Variants in NBAS observed in about 807,000 individuals in gnomAD.
NBAS encodes NAG/BC035112 fusion.
In NBAS, 219 loss-of-function variants were observed where a neutral mutation model predicts 302.5. The ratio of observed to expected loss-of-function variants is 0.72; its 90% CI spans 0.65 to 0.81. The LOEUF is 0.81. NBAS is among the 30% of genes least tolerant of loss of function. The pLI is 0.00. For synonymous variants in NBAS, 1,118 were observed against 1,021.6 expected, an observed-to-expected ratio of 1.09 and a Z score of -1.80; for missense variants, 2,932 against 2,841.6, an observed-to-expected ratio of 1.03 and a Z score of -0.72.
chr2:14,795,171 A>C, the NBAS span, among the ~76,000 whole-genome samples: 1 of 152,158 alleles, frequency 6.6e-6, no homozygotes, highest in Non-Finnish European at 1.5e-5. Flanking sequence ...TTTGAAAAAA[A>C]ATTTTCAAAG....
the NBAS span, among the ~76,000 whole-genome samples, chr2:14,985,140 G>A: frequency 1.3e-5 from 2 of 152,322 alleles, no homozygotes; most frequent in African/African-American, 4.8e-5. Context: ...GGGCTGGGAA[G>A]GCTTCGGAAT....
At chr2:14,860,110 T>C in the NBAS span, among the ~76,000 whole-genome samples, 5 of 151,976 alleles carry the variant, frequency 3.3e-5, no homozygotes, top group African/African-American at 1.2e-4. Flanking sequence ...ACACTAATCA[T>C]TGGAAAAATG....
chr2:14,800,454 C>G, the NBAS span, among the ~76,000 whole-genome samples: 1 of 152,192 alleles, frequency 6.6e-6, no homozygotes, highest in African/African-American at 2.4e-5. Flanking sequence ...CCAATACACC[C>G]TTTTCCCTGT....
At position 15,361,340 on chromosome 2, in the gene NBAS, C is replaced by T. The variant is rs147981858; in HGVS notation, c.3818-4924G>A. Among the ~76,000 whole-genome samples the T allele has an allele frequency of 7.5e-4, 114 of 152,088 alleles. No individual in the cohort carries two copies. In the Middle Eastern group the frequency reaches 0.014, roughly 18 times the overall value. The stretch of plus-strand genomic sequence containing the variant: ...CCAGCCTGGCCAACATGGTGAAATC[C>T]CATCTCTACTAAAAATACAAAAATT... On this transcript the variant is annotated intron_variant, in intron 32 of 51. Transcript: ENST00000281513.
intron 3 of NBAS, 86 bp from the exon 4 acceptor site, chr2:15,554,224 G>A (rs978069479): frequency 4.5e-6 from 5 of 1,107,382 alleles, no homozygotes; most frequent in Non-Finnish European, 6.7e-6. Context: ...CTTATAGAGA[G>A]AGACACAGAT....
intron 48 of NBAS, among the ~76,000 whole-genome samples, chr2:15,197,616 T>C (rs575892514): frequency 6.6e-6 from 1 of 152,290 alleles, no homozygotes; most frequent in African/African-American, 2.4e-5. Context: ...AGGAGTTCTG[T>C]CTCATGCCAC....
At chr2:15,556,889 T>C (rs1558437133) in intron 2 of NBAS, 70 bp from the exon 3 acceptor site, 1 of 1,273,530 alleles carries the variant, frequency 7.9e-7, no homozygotes. Flanking sequence ...ATTAGATTTA[T>C]AGATGAGAAA....
chr2:14,825,621 T>C, the NBAS span, among the ~76,000 whole-genome samples: 1 of 152,200 alleles, frequency 6.6e-6, no homozygotes, highest in Admixed American at 6.5e-5. Context: ...GTCAGGGCTT[T>C]TGCAGCTATT....
At chr2:15,290,291 G>A (rs1363985924) in intron 41 of NBAS, among the ~76,000 whole-genome samples, 2 of 152,144 alleles carry the variant, frequency 1.3e-5, no homozygotes, top group African/African-American at 4.8e-5. Flanking sequence ...GAGGAAAGCA[G>A]CAAGCTGGTG....
At chr2:15,556,618 CT>C (rs1277454669) in intron 3 of NBAS, among the ~76,000 whole-genome samples, 164 bp downstream of exon 3, 1 of 152,154 alleles carries the variant, frequency 6.6e-6, no homozygotes, top group Non-Finnish European at 1.5e-5. Context: ...ACTGAGATAT[CT>C]TGTCAGATTC....
intron 40 of NBAS, among the ~76,000 whole-genome samples, chr2:15,299,508 T>C (rs1558514353): frequency 6.6e-6 from 1 of 152,202 alleles, no homozygotes; most frequent in Non-Finnish European, 1.5e-5. Context: ...CCCTTTAGGG[T>C]TGTTATTTTG....
chr2:15,281,228 T>C (rs1669810623), intron 42 of NBAS, among the ~76,000 whole-genome samples: 1 of 152,204 alleles, frequency 6.6e-6, no homozygotes, highest in Admixed American at 6.5e-5. Context: ...CTGGTATCCC[T>C]AAAGCCTTTT....
chr2:15,203,613 C>T (rs1665982715), intron 48 of NBAS, among the ~76,000 whole-genome samples: 1 of 152,044 alleles, frequency 6.6e-6, no homozygotes, highest in South Asian at 2.1e-4. Context: ...AATAAAACTA[C>T]ACAAAACCCA....
chr2:15,254,366 G>A (rs1012852408), intron 44 of NBAS, among the ~76,000 whole-genome samples: 2 of 152,096 alleles, frequency 1.3e-5, no homozygotes, highest in Admixed American at 6.5e-5. Context: ...TTCCAGCATG[G>A]CACGGCTGGC....
At chr2:15,213,843 A>G (rs1443631774) in intron 48 of NBAS, among the ~76,000 whole-genome samples, 2 of 152,210 alleles carry the variant, frequency 1.3e-5, no homozygotes, top group Admixed American at 1.3e-4. Flanking sequence ...TGCAGGACCA[A>G]TTAAAACGGA....
chr2:15,367,109 T>C (rs1039289781), intron 31 of NBAS, among the ~76,000 whole-genome samples: 1 of 152,180 alleles, frequency 6.6e-6, no homozygotes, highest in Non-Finnish European at 1.5e-5. Context: ...ATACATTTGC[T>C]ATCTCCACTC....
chr2:15,028,161 A>T, the NBAS span, among the ~76,000 whole-genome samples: 1 of 152,228 alleles, frequency 6.6e-6, no homozygotes, highest in Admixed American at 6.5e-5. Context: ...AGTCATCAGG[A>T]ACTGATGTGC....
At chr2:15,495,639 G>A (rs1482559155) in intron 11 of NBAS, among the ~76,000 whole-genome samples, 2 of 152,098 alleles carry the variant, frequency 1.3e-5, no homozygotes, top group African/African-American at 4.8e-5. Flanking sequence ...AGGGAGGGCG[G>A]GAACTGTGTT....
the NBAS span, among the ~76,000 whole-genome samples, chr2:14,779,695 T>G: frequency 6.6e-6 from 1 of 152,182 alleles, no homozygotes; most frequent in African/African-American, 2.4e-5. Context: ...TTTAGTGTTC[T>G]CCACAAAACT....
Sources: gnomAD v4.1 joint callset for allele counts (sites outside exome capture counted in the v4.1 genomes callset) on GRCh38, gnomAD v4.1.1 for gene constraint, MANE v1.5 for transcripts, NCBI Gene and HGNC (gene_info 2026-07-23, HGNC 2026-07-21) for gene names.